ABL1: variants seen among roughly 807,000 people sequenced by gnomAD.
ABL1 encodes the protein ABL proto-oncogene 1, non-receptor tyrosine kinase, also known as tyrosine-protein kinase ABL1.
Under a neutral mutation model 94.7 loss-of-function variants are expected in ABL1, and 11 were observed. The ratio of observed to expected loss-of-function variants is 0.12; its 90% CI spans 0.07 to 0.19. The LOEUF is 0.19. Ranked by LOEUF, ABL1 falls within the 10% of genes least tolerant of loss-of-function variation. ABL1 has a pLI of 1.00. For synonymous variants in ABL1, 656 were observed against 622.4 expected, an observed-to-expected ratio of 1.05 and a Z score of -0.80; for missense variants, 1,082 against 1,489.4, an observed-to-expected ratio of 0.73 and a Z score of 4.50.
intron 1 of ABL1, among the ~76,000 whole-genome samples, chr9:130,718,388 G>A (rs575320029): frequency 1.9e-4 from 28 of 151,276 alleles, no homozygotes; most frequent in Non-Finnish European, 2.8e-4. Context: ...CAATATCTAC[G>A]GTTATCTAGA....
rs558838350 is a variant in ABL1 at position 130,858,525 on chromosome 9, G to C, written c.549+3429G>C. The stretch of plus-strand genomic sequence containing the variant: ...TCTGAGCCCACAGCGTCATCCAGCA[G>C]ACCGTCTGCGGAGGTTCCTTCCTGT... On this transcript the variant is annotated intron_variant, in intron 3 of 10. Coordinates refer to ENST00000318560, the MANE Select transcript of ABL1 (RefSeq NM_005157.6). 2.6e-5 allele frequency among the ~76,000 whole-genome samples: 4 copies of C among 152,246 alleles called. No homozygotes were observed. In the East Asian group the frequency reaches 7.7e-4, roughly 29 times the overall value.
intron 1 of ABL1, among the ~76,000 whole-genome samples, chr9:130,753,222 A>T (rs555973646): frequency 4.0e-5 from 6 of 151,730 alleles, no homozygotes; most frequent in African/African-American, 1.4e-4. Context: ...GCGCCACTGC[A>T]CTCCAGCCTG....
Position 130,763,892 on chromosome 9 carries a change from C to T in ABL1, c.136+49437C>T, listed in dbSNP as rs370201751. Among the ~76,000 whole-genome samples the T allele has an allele frequency of 1.6e-4, 24 of 152,286 alleles. No individual in the cohort carries two copies. In the South Asian group the frequency reaches 4.8e-3, roughly 30 times the overall value. ...GGGGGCATTTTGGAGGCTTGCCACTCGCTGCCTGTAAAATGAGCATCATAA... is the reference window on the plus strand; with the variant it reads ...GGGGGCATTTTGGAGGCTTGCCACTTGCTGCCTGTAAAATGAGCATCATAA... On this transcript the variant is annotated intron_variant, in intron 1 of 10. Coordinates refer to the ABL1 transcript ENST00000372348.
chr9:130,824,200 G>A (rs1830398549), intron 1 of ABL1, among the ~76,000 whole-genome samples: 1 of 152,156 alleles, frequency 6.6e-6, no homozygotes, highest in Non-Finnish European at 1.5e-5. Context: ...TGGAGACCCA[G>A]GAAAGCTGCT....
At chr9:130,882,719 A>G (rs781650537) in intron 10 of ABL1, among the ~76,000 whole-genome samples, 5 of 152,118 alleles carry the variant, frequency 3.3e-5, no homozygotes, top group Middle Eastern at 3.4e-3. Flanking sequence ...ATTTTTTAGT[A>G]GAGACGGGGT....
chr9:130,783,152 A>G (rs904077944), intron 1 of ABL1, among the ~76,000 whole-genome samples: 4 of 152,248 alleles, frequency 2.6e-5, no homozygotes, highest in Admixed American at 2.6e-4. Context: ...CCATTTGGTG[A>G]ATTTAAGATG....
At chr9:130,778,306 T>A (rs1250670070) in intron 1 of ABL1, among the ~76,000 whole-genome samples, 31 of 111,456 alleles carry the variant, frequency 2.8e-4, no homozygotes, top group East Asian at 2.6e-4. Flanking sequence ...GGACACTGAC[T>A]CACTGCATTA....
intron 1 of ABL1, among the ~76,000 whole-genome samples, chr9:130,763,942 CT>C (rs1376171380): frequency 6.6e-5 from 10 of 152,130 alleles, no homozygotes; most frequent in Non-Finnish European, 1.5e-4. Context: ...CTACCACCCC[CT>C]GCCAGCACAA....
intron 1 of ABL1, among the ~76,000 whole-genome samples, chr9:130,740,538 C>T (rs1831803256): frequency 6.6e-6 from 1 of 152,200 alleles, no homozygotes; most frequent in Non-Finnish European, 1.5e-5. Flanking sequence ...GGTACTATGC[C>T]ACAGCAGGTG....
At chr9:130,800,928 C>CTTTTTTTTTTT (rs5900906) in intron 1 of ABL1, among the ~76,000 whole-genome samples, 5 of 128,774 alleles carry the variant, frequency 3.9e-5, no homozygotes, top group Admixed American at 7.7e-5. Flanking sequence ...TTTTTCTTTC[C>CTTTTTTTTTTT]TTTTTTTTTT....
chr9:130,757,757 A>G (rs1307781874), intron 1 of ABL1, among the ~76,000 whole-genome samples: 2 of 151,796 alleles, frequency 1.3e-5, no homozygotes, highest in East Asian at 3.9e-4. Flanking sequence ...TAGCCAGGCT[A>G]GTCTCGATCT....
intron 1 of ABL1, among the ~76,000 whole-genome samples, chr9:130,730,783 G>A (rs1831654529): frequency 6.6e-6 from 1 of 151,640 alleles, no homozygotes; most frequent in South Asian, 2.1e-4. Flanking sequence ...TGTGGCCCAG[G>A]CTGGTCTCAA....
intron 1 of ABL1, among the ~76,000 whole-genome samples, chr9:130,846,699 C>T (rs148199847): frequency 3.9e-5 from 6 of 152,350 alleles, no homozygotes; most frequent in African/African-American, 1.4e-4. Flanking sequence ...GTCAAGTCCC[C>T]CCTTGGGCTG....
At position 130,767,595 on chromosome 9, in the gene ABL1, A is replaced by G. The variant is rs747372196; in HGVS notation, c.136+53140A>G. 1.7e-3 allele frequency among the ~76,000 whole-genome samples: 258 copies of G among 152,294 alleles called. 1 individual carries two copies. The highest frequency in any genetic ancestry group is 3.0e-3 in the Non-Finnish European group (201 of 68,032). On this transcript the variant is annotated intron_variant, in intron 1 of 10. Transcript: ENST00000372348. ...TGATCCACCCGCCTGGGCCCTCCAAAGTGCTGGGATTACAGGCAGGAGCCA... is the reference window on the plus strand; with the variant it reads ...TGATCCACCCGCCTGGGCCCTCCAAGGTGCTGGGATTACAGGCAGGAGCCA...
At chr9:130,821,840 ATTT>A (rs71389365) in intron 1 of ABL1, among the ~76,000 whole-genome samples, 39 of 109,954 alleles carry the variant, frequency 3.5e-4, no homozygotes, top group African/African-American at 1.2e-3. Flanking sequence ...TATTATTATT[ATTT>A]TTTTTTTTTT....
At chr9:130,798,742 G>T (rs1830013927) in intron 1 of ABL1, among the ~76,000 whole-genome samples, 1 of 152,046 alleles carries the variant, frequency 6.6e-6, no homozygotes, top group Non-Finnish European at 1.5e-5. Context: ...GCTGAGGCGG[G>T]TGGATCACGA....
chr9:130,781,079 A>T (rs566690628), intron 1 of ABL1, among the ~76,000 whole-genome samples: 3 of 152,214 alleles, frequency 2.0e-5, no homozygotes, highest in Non-Finnish European at 4.4e-5. Flanking sequence ...CAGTGAGTCA[A>T]CGCAGTCCCA....
upstream of ABL1, among the ~76,000 whole-genome samples, chr9:130,830,884 C>T (rs1027910580): frequency 2.1e-4 from 32 of 152,140 alleles, no homozygotes; most frequent in Admixed American, 3.9e-4. Flanking sequence ...TGAGACTCAG[C>T]GCTAGCCTTT....
rs1475976158 is a variant in ABL1 at position 130,863,748 on chromosome 9, A to G, written c.822+713A>G. ...GAAGTTTTCATTTTCAGCCCTTTGC[A>G]TTCTTCAAAATGTGATCCAGGCTTT... is the stretch of plus-strand genomic sequence containing the variant. On this transcript the variant is annotated intron_variant, in intron 4 of 10. Transcript: ENST00000318560. The surrounding 1 kb of genome is among the most constrained non-coding windows in gnomAD (Gnocchi z 4.3). Among the ~76,000 whole-genome samples, 1 of 152,150 alleles carries G rather than the reference A, an allele frequency of 6.6e-6. No homozygotes were observed. The highest frequency in any genetic ancestry group is 1.5e-5 in the Non-Finnish European group (1 of 68,032).
Sources: allele counts gnomAD v4.1 joint callset (sites outside exome capture counted in the v4.1 genomes callset), GRCh38; gene constraint gnomAD v4.1.1; non-coding constraint Gnocchi (gnomAD v3.1); transcripts MANE v1.5; gene names NCBI Gene and HGNC (gene_info 2026-07-23, HGNC 2026-07-21).